NRG3: variants seen among roughly 807,000 people sequenced by gnomAD.
The protein encoded by NRG3 is neuregulin 3.
NRG3 carries 31 observed loss-of-function variants against 66.9 expected under a neutral mutation model. That is an observed-to-expected ratio of 0.46 (90% CI 0.35 to 0.63). The LOEUF is 0.63. Ranked by LOEUF, NRG3 falls within the 20% of genes least tolerant of loss-of-function variation. The pLI, the probability that NRG3 is intolerant of heterozygous loss-of-function variation, is 0.00. For synonymous variants in NRG3, 393 were observed against 359.4 expected, an observed-to-expected ratio of 1.09 and a Z score of -1.06; for missense variants, 910 against 878.9, an observed-to-expected ratio of 1.04 and a Z score of -0.45.
chr10:82,829,355 C>G (rs1227462952), intron 3 of NRG3, among the ~76,000 whole-genome samples: 1 of 152,170 alleles, frequency 6.6e-6, no homozygotes, highest in Non-Finnish European at 1.5e-5. Context: ...ACCACTTTAT[C>G]TGCAGATGAG....
intron 1 of NRG3, among the ~76,000 whole-genome samples, chr10:82,211,023 C>T (rs1205029257): frequency 6.6e-6 from 1 of 151,722 alleles, no homozygotes; most frequent in East Asian, 1.9e-4. Context: ...ACCTTTTGAG[C>T]TAATTAACAG....
rs1340745171 is a variant in NRG3, at chr10:81,902,415, A to T, written c.823+26252A>T. ...GTATTAGGAGGCAGGGGCCTTTGGG[A>T]TGTAATTAGGTCATGAGGGTGGAGC... is the stretch of plus-strand genomic sequence containing the variant. On this transcript the variant is annotated intron_variant, in intron 1 of 8. Coordinates refer to ENST00000372141, the MANE Select transcript of NRG3 (RefSeq NM_001010848.4). 2.6e-5 allele frequency among the ~76,000 whole-genome samples: 4 copies of T among 152,188 alleles called. No individual in the cohort carries two copies. The East Asian group carries it at 7.8e-4, about 29-fold the overall frequency.
chr10:82,713,259 T>G (rs2056784751), intron 2 of NRG3, among the ~76,000 whole-genome samples: 1 of 150,834 alleles, frequency 6.6e-6, no homozygotes, highest in African/African-American at 2.4e-5. Context: ...CTCTCAAGAG[T>G]AAGATAATTT....
intron 1 of NRG3, among the ~76,000 whole-genome samples, chr10:82,259,779 A>T (rs1295976875): frequency 6.6e-6 from 1 of 152,092 alleles, no homozygotes; most frequent in Non-Finnish European, 1.5e-5. Flanking sequence ...ATTGTTTAAA[A>T]ATATTATCCA....
intron 1 of NRG3, among the ~76,000 whole-genome samples, chr10:81,982,025 G>C (rs1397332421): frequency 6.6e-6 from 1 of 151,804 alleles, no homozygotes; most frequent in Non-Finnish European, 1.5e-5. Flanking sequence ...TTTTCAATAG[G>C]AATAAGCTGA....
chr10:82,223,191 G>A (rs533357535), intron 1 of NRG3, among the ~76,000 whole-genome samples: 1 of 152,194 alleles, frequency 6.6e-6, no homozygotes, highest in South Asian at 2.1e-4. Context: ...ACTCCAAAGG[G>A]GAGAACAGTC....
chr10:82,462,543 T>G (rs1014503843), intron 2 of NRG3, among the ~76,000 whole-genome samples: 4 of 151,940 alleles, frequency 2.6e-5, no homozygotes, highest in African/African-American at 9.7e-5. Context: ...GGAGCATCAG[T>G]GATGGGGTGA....
intron 1 of NRG3, among the ~76,000 whole-genome samples, chr10:82,343,256 C>G (rs546121452): frequency 1.3e-5 from 2 of 152,078 alleles, no homozygotes; most frequent in Admixed American, 6.6e-5. Context: ...TTGCTAAACA[C>G]CAATAATAAT....
chr10:82,636,903 G>T (rs1286933790), intron 2 of NRG3, among the ~76,000 whole-genome samples: 1 of 151,818 alleles, frequency 6.6e-6, no homozygotes, highest in Non-Finnish European at 1.5e-5. Context: ...GCTACCAGAG[G>T]CAGGATTAAG....
intron 2 of NRG3, among the ~76,000 whole-genome samples, chr10:82,381,735 G>A (rs895519570): frequency 2.6e-5 from 4 of 152,112 alleles, no homozygotes; most frequent in African/African-American, 9.7e-5. Flanking sequence ...ACCTTTGAGA[G>A]TAAGATGCTA....
At chr10:82,676,473 A>G (rs1435425757) in intron 2 of NRG3, among the ~76,000 whole-genome samples, 1 of 151,764 alleles carries the variant, frequency 6.6e-6, no homozygotes, top group Non-Finnish European at 1.5e-5. Flanking sequence ...TGCCATTTCT[A>G]TTTGTGGTTT....
At chr10:82,601,320 G>C (rs1021804490) in intron 2 of NRG3, among the ~76,000 whole-genome samples, 2 of 152,136 alleles carry the variant, frequency 1.3e-5, no homozygotes, top group African/African-American at 4.8e-5. Context: ...TTCTGAGTTT[G>C]TTCATACACT....
Position 82,545,660 on chromosome 10 carries a change from C to T in NRG3, c.953+186792C>T, listed in dbSNP as rs560222276. Among the ~76,000 whole-genome samples, 4 of 151,922 alleles carry T rather than the reference C, an allele frequency of 2.6e-5. No individual in the cohort carries two copies. The East Asian group carries it at 5.8e-4, about 22-fold the overall frequency. On this transcript the variant is annotated intron_variant, in intron 2 of 8. Coordinates refer to ENST00000372141, the MANE Select transcript of NRG3 (RefSeq NM_001010848.4). ...CCTCCCAAAGTGCTGGGATTACAGG[C>T]GTGAGCCACCGTGCCCAGCCGCCAA...
chr10:82,112,662 A>G lies in NRG3; in HGVS notation c.823+236499A>G, dbSNP rs150653586. On this transcript the variant is annotated intron_variant, in intron 1 of 8. Transcript: ENST00000372141. The stretch of plus-strand genomic sequence containing the variant: ...ACTGCTAATGAATTATGACACATCT[A>G]TTATTCATGGATCTTACAAATTTAG... Among the ~76,000 whole-genome samples, 402 of 152,282 alleles carry G rather than the reference A, an allele frequency of 2.6e-3. 1 individual carries two copies. Among genetic ancestry groups the G allele is most frequent in the African/African-American group, 9.1e-3 (379 of 41,570 alleles).
At chr10:82,285,018 T>C (rs2079335682) in intron 1 of NRG3, among the ~76,000 whole-genome samples, 1 of 152,190 alleles carries the variant, frequency 6.6e-6, no homozygotes, top group African/African-American at 2.4e-5. Flanking sequence ...GGAAAACAGA[T>C]TGTGGTTAAA....
chr10:82,005,230 A>G (rs1424534414), intron 1 of NRG3, among the ~76,000 whole-genome samples: 1 of 152,224 alleles, frequency 6.6e-6, no homozygotes. Context: ...AGTGGTAGAT[A>G]TGACTCTATG....
intron 1 of NRG3, among the ~76,000 whole-genome samples, chr10:82,210,850 A>T (rs2075358795): frequency 6.6e-6 from 1 of 152,126 alleles, no homozygotes; most frequent in African/African-American, 2.4e-5. Context: ...ATTATTTTCA[A>T]AAGTAGCTCC....
chr10:82,504,256 G>A (rs1298057306), intron 2 of NRG3, among the ~76,000 whole-genome samples: 1 of 152,178 alleles, frequency 6.6e-6, no homozygotes, highest in African/African-American at 2.4e-5. Flanking sequence ...CAGCCTGAAT[G>A]TTCTTGTGTT....
chr10:82,602,613 T>G (rs1478009391), intron 2 of NRG3, among the ~76,000 whole-genome samples: 1 of 152,174 alleles, frequency 6.6e-6, no homozygotes, highest in East Asian at 1.9e-4. Context: ...TATGAAAATG[T>G]ATGAAATACA....
Sources: allele counts gnomAD v4.1 joint callset (sites outside exome capture counted in the v4.1 genomes callset), GRCh38; gene constraint gnomAD v4.1.1; transcripts MANE v1.5; gene names NCBI Gene and HGNC (gene_info 2026-07-23, HGNC 2026-07-21).